Variants in ZFC3H1 observed in about 807,000 individuals in gnomAD.
The protein encoded by ZFC3H1 is zinc finger C3H1 domain-containing protein.
Under a neutral mutation model 243.7 loss-of-function variants are expected in ZFC3H1, and 71 were observed. That is an observed-to-expected ratio of 0.29 (90% CI 0.24 to 0.36). The LOEUF (loss-of-function observed/expected upper bound fraction) is 0.36. ZFC3H1 is among the 10% of genes least tolerant of loss of function. ZFC3H1 has a pLI of 1.00. For missense variants in ZFC3H1, 1,966 were observed against 2,317.1 expected, an observed-to-expected ratio of 0.85 and a Z score of 3.11; for synonymous variants, 838 against 813.0, an observed-to-expected ratio of 1.03 and a Z score of -0.52.
In ZFC3H1 at chr12:71,630,913, C is replaced by G; in HGVS notation, c.3512G>C (p.Ser1171Thr). 6.2e-7 allele frequency: 1 copy of G among 1,612,586 alleles called. No homozygotes were observed. Among genetic ancestry groups the G allele is most frequent in the Non-Finnish European group, 8.5e-7 (1 of 1,178,996 alleles). ...YYRTKEKLPL[S>T]SVSYSNMIEP... ...AATCATATTACTGTATGATACTGAG[C>G]TCAGGGGAAGTTTTTCCTTGGTTCG... Residue 1171 changes from serine (S) to threonine (T), a missense_variant, in exon 17 of 35, where the codon AGC becomes ACC. Around this residue, in one of 4 missense-constraint regions of ZFC3H1, gnomAD observed 1,383 missense variants for 1,723.7 expected, o/e 0.80. Transcript: ENST00000378743.
In ZFC3H1 at chr12:71,642,504, C is replaced by T; in HGVS notation, c.1559G>A (p.Gly520Glu). Residue 520 changes from glycine to glutamate, a missense_variant, in exon 6 of 35, where the codon GGA becomes GAA. This residue lies in a region of ZFC3H1 where 1,383 missense variants were observed against 1,723.7 expected (regional missense o/e 0.80). Coordinates refer to ENST00000378743, the MANE Select transcript of ZFC3H1 (RefSeq NM_144982.5). Reference protein sequence around the residue: ...SLDKQPTDSGGGIYQYDNYEE... With the variant: ...SLDKQPTDSGEGIYQYDNYEE... ...ATAGTTATCATACTGATAAATGCCT[C>T]CTCCACTATCAGTAGGTTGCTTATC... is the stretch of plus-strand genomic sequence containing the variant. The T allele has an allele frequency of 6.2e-7, 1 of 1,613,560 alleles. No individual in the cohort carries two copies. The highest frequency in any genetic ancestry group is 1.7e-5 in the Admixed American group (1 of 59,988).
Position 71,626,239 on chromosome 12 carries a change from T to C in ZFC3H1, c.4317+21A>G, listed in dbSNP as rs780934123. 612 of 1,294,822 alleles carry C rather than the reference T, an allele frequency of 4.7e-4. 1 individual carries two copies. Among genetic ancestry groups the C allele is most frequent in the Non-Finnish European group, 6.0e-4 (547 of 919,304 alleles). The allele number at this position is 1,294,822 out of a possible 1,614,324, so 80.2% of individuals were successfully genotyped here. A position where few individuals can be genotyped will look rare whatever the true frequency, so the allele number is the denominator to read the frequency against. The stretch of plus-strand genomic sequence containing the variant: ...ACACACACACACACACACACACACG[T>C]ACGTTATCTTTTCTACTCACAGTCC... On this transcript the variant is annotated intron_variant, in intron 22 of 34. Coordinates refer to ENST00000378743, the MANE Select transcript of ZFC3H1 (RefSeq NM_144982.5).
intron 18 of ZFC3H1, 23 bp downstream of exon 18, chr12:71,630,577 G>T (rs1200983595): frequency 6.3e-7 from 1 of 1,582,914 alleles, no homozygotes; most frequent in African/African-American, 1.4e-5. Context: ...TCATTTGGGA[G>T]AGAATAGGAA....
In ZFC3H1 at chr12:71,637,688, C is replaced by T. The variant is rs954467139; in HGVS notation, c.1726-629G>A. On this transcript the variant is annotated intron_variant, in intron 7 of 34. Coordinates refer to ENST00000378743, the MANE Select transcript of ZFC3H1 (RefSeq NM_144982.5). Reference sequence around the variant, plus strand: ...CATTCCCAAAAAGAAAACATTACAACGAAGAAAGTGCTGTTTTCTCTCTCA... The same window carrying T: ...CATTCCCAAAAAGAAAACATTACAATGAAGAAAGTGCTGTTTTCTCTCTCA... Among the ~76,000 whole-genome samples the T allele has an allele frequency of 2.6e-5, 4 of 152,140 alleles. No homozygotes were observed. In the South Asian group the frequency reaches 6.2e-4, roughly 24 times the overall value.
Position 71,619,894 on chromosome 12 carries a change from C to T in ZFC3H1, c.5049+32G>A, listed in dbSNP as rs375542926. 2.7e-5 allele frequency: 42 copies of T among 1,555,378 alleles called. No individual in the cohort carries two copies. In the African/African-American group the frequency reaches 5.8e-4, roughly 21 times the overall value. The stretch of plus-strand genomic sequence containing the variant: ...AATAGCAAAATTTGAAACATAAAAG[C>T]ATCATATTTAAGAATTATGCATCAT... On this transcript the variant is annotated intron_variant, in intron 26 of 34. Coordinates refer to ENST00000378743, the MANE Select transcript of ZFC3H1 (RefSeq NM_144982.5).
chr12:71,624,836 G>A (rs916932384), intron 22 of ZFC3H1, among the ~76,000 whole-genome samples: 16 of 152,168 alleles, frequency 1.1e-4, no homozygotes, highest in Non-Finnish European at 2.1e-4. Context: ...GCACGGTGGT[G>A]CATGCCTGTA....
chr12:71,624,712 T>C (rs891178900), intron 22 of ZFC3H1, among the ~76,000 whole-genome samples: 5 of 152,228 alleles, frequency 3.3e-5, no homozygotes, highest in Admixed American at 1.3e-4. Flanking sequence ...CGATGGCTCA[T>C]GCCTGTAATC....
intron 30 of ZFC3H1, chr12:71,613,653 G>A (rs1370731064): frequency 5.3e-6 from 2 of 378,122 alleles, no homozygotes; most frequent in Non-Finnish European, 9.6e-6. Context: ...GCCATGGGCA[G>A]AACACTGACA....
At chr12:71,654,787 A>T (rs1366436146) in intron 2 of ZFC3H1, among the ~76,000 whole-genome samples, 1 of 152,256 alleles carries the variant, frequency 6.6e-6, no homozygotes, top group Non-Finnish European at 1.5e-5. Context: ...ATACTGAATT[A>T]TAAATTAAAA....
intron 1 of ZFC3H1, among the ~76,000 whole-genome samples, chr12:71,661,139 T>C (rs1043915727): frequency 8.6e-5 from 13 of 151,788 alleles, no homozygotes; most frequent in Admixed American, 2.6e-4. Flanking sequence ...CTGTCTCTAC[T>C]AAAAATATAA....
At position 71,634,264 on chromosome 12, in the gene ZFC3H1, T is replaced by C. The variant is rs1314296357; in HGVS notation, c.2401A>G (p.Thr801Ala). Residue 801 changes from threonine to alanine, a missense_variant, in exon 12 of 35, where the codon ACA becomes GCA. By Grantham distance (58) the Thr-to-Ala change is moderately conservative. Coordinates refer to ENST00000378743, the MANE Select transcript of ZFC3H1 (RefSeq NM_144982.5). Reference protein sequence around the residue: ...QRLIKSDQLKTSSSSPANSDV... With the variant: ...QRLIKSDQLKASSSSPANSDV... ...GAGTTTGCTGGGGATGATGAACTTG[T>C]CTTCAGCTGATCTGATTTAATCAAA... is the stretch of plus-strand genomic sequence containing the variant. 6.2e-7 allele frequency: 1 copy of C among 1,614,078 alleles called. No individual in the cohort carries two copies. Among genetic ancestry groups the C allele is most frequent in the Admixed American group, 1.7e-5 (1 of 60,018 alleles).
intron 27 of ZFC3H1, among the ~76,000 whole-genome samples, chr12:71,617,489 CTTAT>C (rs1262740019): frequency 2.6e-5 from 4 of 152,084 alleles, no homozygotes; most frequent in Admixed American, 6.5e-5. Context: ...TTTATTGATG[CTTAT>C]TTATTCTGCC....
chr12:71,621,920 T>C (rs1212044492), intron 24 of ZFC3H1, among the ~76,000 whole-genome samples: 2 of 152,134 alleles, frequency 1.3e-5, no homozygotes, highest in Non-Finnish European at 2.9e-5. Context: ...TCTGGTTGGT[T>C]TTCCTACCAT....
chr12:71,630,343 G>C (rs923325343), intron 18 of ZFC3H1, among the ~76,000 whole-genome samples: 1 of 152,116 alleles, frequency 6.6e-6, no homozygotes, highest in African/African-American at 2.4e-5. Flanking sequence ...TGAAATGTTG[G>C]AAATGTCTTA....
At chr12:71,658,865 CCTT>C (rs1432512182) in intron 1 of ZFC3H1, among the ~76,000 whole-genome samples, 2 of 152,164 alleles carry the variant, frequency 1.3e-5, no homozygotes, top group Admixed American at 6.5e-5. Context: ...TTCTCTGTAC[CCTT>C]CTTACCAAAT....
At chr12:71,637,572 AG>A (rs993958208) in intron 7 of ZFC3H1, among the ~76,000 whole-genome samples, 2 of 152,232 alleles carry the variant, frequency 1.3e-5, no homozygotes, top group African/African-American at 4.8e-5. Flanking sequence ...ATATCTATAA[AG>A]GAAACTAATT....
chr12:71,626,252 C>T lies in ZFC3H1; in HGVS notation c.4317+8G>A. On this transcript the variant is annotated splice_region_variant and intron_variant, in intron 22 of 34. Transcript: ENST00000378743. The stretch of plus-strand genomic sequence containing the variant: ...CACACACACACGTACGTTATCTTTT[C>T]TACTCACAGTCCAAAAGCTTTGATA... 6.2e-7 allele frequency: 1 copy of T among 1,608,062 alleles called. No homozygotes were observed. Among genetic ancestry groups the T allele is most frequent in the Non-Finnish European group, 8.5e-7 (1 of 1,176,186 alleles).
intron 5 of ZFC3H1, among the ~76,000 whole-genome samples, chr12:71,643,221 G>A (rs748257884): frequency 2.6e-5 from 4 of 151,970 alleles, no homozygotes; most frequent in Non-Finnish European, 5.9e-5. Flanking sequence ...GACCAGCCTG[G>A]CCAACATGGT....
intron 27 of ZFC3H1, among the ~76,000 whole-genome samples, chr12:71,617,968 A>G (rs968920618): frequency 1.6e-4 from 25 of 152,128 alleles, no homozygotes; most frequent in African/African-American, 4.3e-4. Context: ...CATGTTCACA[A>G]CAAGTTCTAG....
Sources: allele counts gnomAD v4.1 joint callset (sites outside exome capture counted in the v4.1 genomes callset), GRCh38; gene constraint gnomAD v4.1.1; regional missense constraint gnomAD v4.1.1; transcripts MANE v1.5; gene names NCBI Gene and HGNC (gene_info 2026-07-23, HGNC 2026-07-21).